SLC9A4: variants seen among roughly 807,000 people sequenced by gnomAD.
SLC9A4 encodes sodium/hydrogen exchanger 4.
A neutral mutation model predicts 67.4 loss-of-function variants in SLC9A4; 63 were observed. That is an observed-to-expected ratio of 0.93 (90% confidence interval 0.76 to 1.15). The LOEUF (loss-of-function observed/expected upper bound fraction) is 1.15, where lower values mean the gene tolerates loss of function less well. SLC9A4 is among the 50% of genes most tolerant of loss of function. SLC9A4 has a pLI of 0.00. For synonymous variants in SLC9A4, 393 were observed against 367.2 expected (o/e 1.07, Z -0.80); for missense variants, 1,089 against 987.7 (o/e 1.10, Z -1.38).
At chr2:102,488,257 T>A (rs970921551) in intron 2 of SLC9A4, among the ~76,000 whole-genome samples, 1 of 152,066 alleles carries the variant, frequency 6.6e-6, no homozygotes, top group Non-Finnish European at 1.5e-5. Flanking sequence ...ACATGCCCGG[T>A]GTCACGTGAA....
At position 102,503,555 on chromosome 2, in the gene SLC9A4, A is replaced by AG. The variant is rs777460139; in HGVS notation, c.832dup (p.Val278GlyfsTer25). 1.9e-6 allele frequency: 3 copies of AG among 1,614,040 alleles called. No homozygotes were observed. In the South Asian group the frequency reaches 3.3e-5, roughly 18 times the overall value. On this transcript the variant is annotated frameshift_variant, in exon 3 of 12. Coordinates refer to ENST00000295269, the MANE Select transcript of SLC9A4 (RefSeq NM_001011552.4). LOFTEE classifies it high-confidence loss of function. ...CCCGATTCATCGTTGTGGGGCTTGGAGGGGTATTGTTTGGCATCGTTTTTG... is the reference window on the plus strand; with the variant it reads ...CCCGATTCATCGTTGTGGGGCTTGGAGGGGGTATTGTTTGGCATCGTTTTTG...
intron 2 of SLC9A4, among the ~76,000 whole-genome samples, chr2:102,496,127 C>A (rs976244875): frequency 8.6e-5 from 13 of 151,964 alleles, no homozygotes; most frequent in Non-Finnish European, 7.4e-5. Context: ...ATGCATTTCA[C>A]AAAAGACATA....
chr2:102,474,282 A>G lies in SLC9A4; in HGVS notation c.256+267A>G, dbSNP rs549350992. ...CATTTCAGGGTGACAACCATGTGAC[A>G]TTGTTGACATGCAAAACTCTCAAAT... is the stretch of plus-strand genomic sequence containing the variant. On this transcript the variant is annotated intron_variant, in intron 1 of 11. Coordinates refer to ENST00000295269, the MANE Select transcript of SLC9A4 (RefSeq NM_001011552.4). Among the ~76,000 whole-genome samples the G allele has an allele frequency of 2.2e-4, 34 of 152,300 alleles. No homozygotes were observed. In the South Asian group the frequency reaches 5.0e-3, roughly 22 times the overall value.
At chr2:102,530,851 G>A (rs768698033) in intron 11 of SLC9A4, among the ~76,000 whole-genome samples, 4 of 152,106 alleles carry the variant, frequency 2.6e-5, no homozygotes, top group Non-Finnish European at 4.4e-5. Flanking sequence ...TTCCAAGTTA[G>A]CTTCTTAGTA....
chr2:102,506,888 G>C (rs904346268), intron 4 of SLC9A4, among the ~76,000 whole-genome samples: 1 of 152,056 alleles, frequency 6.6e-6, no homozygotes, highest in Non-Finnish European at 1.5e-5. Flanking sequence ...CCAAAACAGT[G>C]ACAAAATTGG....
intron 2 of SLC9A4, among the ~76,000 whole-genome samples, chr2:102,491,317 C>CTTTTTTTTTTTTTTTTTTTT (rs61708027): frequency 1.1e-4 from 5 of 45,740 alleles, no homozygotes; most frequent in Non-Finnish European, 2.0e-4. Context: ...TGTACTAATG[C>CTTTTTTTTTTTTTTTTTTTT]TTTTTTTTTT....
Position 102,532,839 on chromosome 2 carries a change from TC to T in SLC9A4, c.*153del. On this transcript the variant is annotated 3_prime_UTR_variant, in exon 12 of 12. Coordinates refer to ENST00000295269, the MANE Select transcript of SLC9A4 (RefSeq NM_001011552.4). The stretch of plus-strand genomic sequence containing the variant: ...ATCTATAAGCAGCAGGAAGATTTTT[TC>T]CAAGGACTGGGAGCAAACTTGCAGG... 1.2e-6 allele frequency: 1 copy of T among 846,072 alleles called. No homozygotes were observed. Among genetic ancestry groups the T allele is most frequent in the Non-Finnish European group, 1.8e-6 (1 of 564,634 alleles). The allele number at this position is 846,072 out of a possible 1,614,324, so 52.4% of individuals were successfully genotyped here.
rs757640952 is a variant in SLC9A4 at position 102,484,338 on chromosome 2, G to C, written c.720+5036G>C. On this transcript the variant is annotated intron_variant, in intron 2 of 11. Transcript: ENST00000295269. ...AAGAGAGAACCCACATGCTACCGAT[G>C]AGGAGACTGGACTTAAGTCCAGTGA... Among the ~76,000 whole-genome samples, 55 of 152,174 alleles carry C rather than the reference G, an allele frequency of 3.6e-4. 1 individual carries two copies. The highest frequency in any genetic ancestry group is 1.2e-3 in the Admixed American group (19 of 15,286).
At chr2:102,497,815 T>C (rs1303383489) in intron 2 of SLC9A4, among the ~76,000 whole-genome samples, 2 of 152,154 alleles carry the variant, frequency 1.3e-5, no homozygotes, top group African/African-American at 2.4e-5. Context: ...CATATGTAAG[T>C]CTTTCCTCAA....
chr2:102,511,837 A>G (rs1685168798), intron 6 of SLC9A4, among the ~76,000 whole-genome samples: 1 of 151,650 alleles, frequency 6.6e-6, no homozygotes, highest in Admixed American at 6.6e-5. Flanking sequence ...CAATTATTTA[A>G]TAATATCTTA....
At chr2:102,491,441 C>T (rs189429627) in intron 2 of SLC9A4, among the ~76,000 whole-genome samples, 2 of 146,260 alleles carry the variant, frequency 1.4e-5, no homozygotes, top group East Asian at 4.2e-4. Flanking sequence ...GGGGAGGCTT[C>T]ACAATCATGG....
At chr2:102,477,334 A>C (rs959224362) in intron 1 of SLC9A4, among the ~76,000 whole-genome samples, 5 of 152,138 alleles carry the variant, frequency 3.3e-5, no homozygotes, top group Admixed American at 6.5e-5. Flanking sequence ...CCATTCTGTC[A>C]CCCAAATATG....
At chr2:102,493,440 A>G (rs1684744948) in intron 2 of SLC9A4, among the ~76,000 whole-genome samples, 1 of 151,900 alleles carries the variant, frequency 6.6e-6, no homozygotes, top group South Asian at 2.1e-4. Flanking sequence ...AGGAGGAACA[A>G]AGTCACGTCT....
chr2:102,478,167 G>A (rs1684372396), intron 1 of SLC9A4, among the ~76,000 whole-genome samples: 1 of 152,160 alleles, frequency 6.6e-6, no homozygotes, highest in Non-Finnish European at 1.5e-5. Flanking sequence ...AGGTCAAGAA[G>A]ACAATGCAAT....
chr2:102,500,205 C>T (rs961475622), intron 2 of SLC9A4, among the ~76,000 whole-genome samples: 4 of 152,250 alleles, frequency 2.6e-5, no homozygotes, highest in Admixed American at 6.5e-5. Flanking sequence ...CAGGTGAAGA[C>T]GCAGGCAGGG....
chr2:102,480,676 T>C (rs574884385), intron 2 of SLC9A4, among the ~76,000 whole-genome samples: 89 of 152,362 alleles, frequency 5.8e-4, no homozygotes, highest in African/African-American at 1.9e-3. Flanking sequence ...AAATTTCCAG[T>C]TTAAACAGTA....
At chr2:102,492,396 T>C (rs1684721761) in intron 2 of SLC9A4, among the ~76,000 whole-genome samples, 1 of 152,248 alleles carries the variant, frequency 6.6e-6, no homozygotes, top group Admixed American at 6.5e-5. Flanking sequence ...CCATACATTC[T>C]ATGAAATCTA....
Position 102,503,623 on chromosome 2 carries a change from CT to C in SLC9A4, c.897del (p.Ala300GlnfsTer16). Reference sequence around the variant, plus strand: ...ATCACACGTTTCACTCAGAATATCTCTGCAATTGAGCCACTCATCGTCTTCA... The same window carrying C: ...ATCACACGTTTCACTCAGAATATCTCGCAATTGAGCCACTCATCGTCTTCA... Reference protein sequence around the residue: ...AFITRFTQNISAIEPLIVFMF... With the variant: ...AFITRFTQNIXAIEPLIVFMF... On this transcript the variant is annotated frameshift_variant, in exon 3 of 12. Transcript: ENST00000295269. LOFTEE classifies it high-confidence loss of function. 6.2e-7 allele frequency: 1 copy of C among 1,614,196 alleles called. No homozygotes were observed. The highest frequency in any genetic ancestry group is 8.5e-7 in the Non-Finnish European group (1 of 1,180,036).
intron 3 of SLC9A4, among the ~76,000 whole-genome samples, chr2:102,504,756 T>C (rs530512644): frequency 6.6e-6 from 1 of 152,376 alleles, no homozygotes; most frequent in South Asian, 2.1e-4. Flanking sequence ...TTTCTTTCTC[T>C]TTCCCATACT....
Sources: gnomAD v4.1 joint callset for allele counts (sites outside exome capture counted in the v4.1 genomes callset) on GRCh38, gnomAD v4.1.1 for gene constraint, MANE v1.5 for transcripts, NCBI Gene and HGNC (gene_info 2026-07-23, HGNC 2026-07-21) for gene names.